The following AKT1S1 variants were observed in gnomAD, a reference collection of about 807,000 sequenced individuals.
The protein encoded by AKT1S1 is proline-rich AKT1 substrate 1.
AKT1S1 carries 17 observed loss-of-function variants against 21.2 expected under a neutral mutation model. The observed-to-expected ratio is 0.80, with a 90% confidence interval of 0.55 to 1.20. The LOEUF (loss-of-function observed/expected upper bound fraction) is 1.20. AKT1S1 is among the 50% of genes most tolerant of loss of function. The probability of loss-of-function intolerance (pLI) is 0.00; values close to 1 mark genes in which losing one functional copy is unlikely to be tolerated. For missense variants in AKT1S1, 366 were observed against 368.3 expected (o/e 0.99, Z 0.05); for synonymous variants, 181 against 165.6 (o/e 1.09, Z -0.72).
chr19:49,871,727 G>C lies in AKT1S1; in HGVS notation c.458-11C>G, dbSNP rs1437778836. ...CGCTCAGGCTGCCATCTGAAAGAGA[G>C]GGTGGACTTCAGCTTCTGTCCCTGC... On this transcript the variant is annotated splice_polypyrimidine_tract_variant and intron_variant, in intron 3 of 4. Transcript: ENST00000344175. 5.6e-6 allele frequency: 9 copies of C among 1,611,974 alleles called. No individual in the cohort carries two copies. Among genetic ancestry groups the C allele is most frequent in the African/African-American group, 1.3e-5 (1 of 74,854 alleles).
chr19:49,871,815 C>T lies in AKT1S1; in HGVS notation c.454G>A (p.Asp152Asn). Reference sequence around the variant, plus strand: ...GGGAACAGCCTGGGACACTCACCATCTGTACTCTCGGGGTCTGACTCACAG... The same window carrying T: ...GGGAACAGCCTGGGACACTCACCATTTGTACTCTCGGGGTCTGACTCACAG... ...PFCESDPESTDDGSLSEETPA... is the reference protein window; with the variant it reads ...PFCESDPESTNDGSLSEETPA... Residue 152 changes from aspartate (D) to asparagine (N), a missense_variant, in exon 3 of 5, where the codon GAT becomes AAT. Coordinates refer to ENST00000344175, the MANE Select transcript of AKT1S1 (RefSeq NM_001098633.4). 1 of 1,612,176 alleles carries T rather than the reference C, an allele frequency of 6.2e-7. No homozygotes were observed. Among genetic ancestry groups the T allele is most frequent in the Non-Finnish European group, 8.5e-7 (1 of 1,179,384 alleles).
upstream of AKT1S1, chr19:49,877,800 T>G (rs116089147): frequency 2.5e-3 from 3,878 of 1,548,086 alleles, 82 homozygotes; most frequent in African/African-American, 0.044. Flanking sequence ...CCCCGTCTAG[T>G]GATCAGCTCT....
At chr19:49,875,716 G>A (rs955452081) in intron 1 of AKT1S1, among the ~76,000 whole-genome samples, 4 of 152,204 alleles carry the variant, frequency 2.6e-5, no homozygotes, top group Non-Finnish European at 5.9e-5. Flanking sequence ...CGGGATTAAA[G>A]AGTGAAATAG....
chr19:49,871,842 A>AGG lies in AKT1S1; in HGVS notation c.425_426dup (p.Phe143ProfsTer15). On this transcript the variant is annotated frameshift_variant, in exon 3 of 5. Coordinates refer to ENST00000344175, the MANE Select transcript of AKT1S1 (RefSeq NM_001098633.4). LOFTEE classifies it high-confidence loss of function. ...GTACTCTCGGGGTCTGACTCACAGA[A>AGG]GGGGGGAAGGTCCTGGAGGGTGGCG... is the stretch of plus-strand genomic sequence containing the variant. 1.9e-6 allele frequency: 3 copies of AGG among 1,611,208 alleles called. No homozygotes were observed. Among genetic ancestry groups the AGG allele is most frequent in the Non-Finnish European group, 2.5e-6 (3 of 1,179,214 alleles).
At chr19:49,876,677 C>T in intron 1 of AKT1S1, 1 of 1,474,252 alleles carries the variant, frequency 6.8e-7, no homozygotes, top group Non-Finnish European at 9.0e-7. Flanking sequence ...GCGTCACGTC[C>T]GCGCAGTTGC....
rs2074850323 is a variant in AKT1S1 at position 49,869,111 on chromosome 19, C to T, written c.*806G>A. On this transcript the variant is annotated 3_prime_UTR_variant, in exon 5 of 5. Coordinates refer to ENST00000344175, the MANE Select transcript of AKT1S1 (RefSeq NM_001098633.4). ...TGCCGATCCCCCAACCCCTCACTCT[C>T]TCCCCCACACCAGGGCCGGAGAGTG... is the stretch of plus-strand genomic sequence containing the variant. The T allele has an allele frequency of 6.6e-6, 1 of 152,534 alleles. No homozygotes were observed. Among genetic ancestry groups the T allele is most frequent in the African/African-American group, 2.4e-5 (1 of 41,476 alleles). The allele number at this position is 152,534 out of a possible 1,614,324, so 9.4% of individuals were successfully genotyped here.
At chr19:49,875,977 A>C in intron 1 of AKT1S1, 1 of 985,340 alleles carries the variant, frequency 1.0e-6, no homozygotes, top group Non-Finnish European at 1.2e-6. Context: ...GAGAGATTAG[A>C]GGAAAGTGAG....
At chr19:49,876,197 A>G (rs1259826429) in intron 1 of AKT1S1, 3 of 1,019,742 alleles carry the variant, frequency 2.9e-6, no homozygotes, top group African/African-American at 1.7e-5. Context: ...AGACCTCCCA[A>G]CCTCGCCCGG....
upstream of AKT1S1, chr19:49,877,724 A>G (rs929980898): frequency 9.4e-6 from 15 of 1,600,486 alleles, no homozygotes; most frequent in African/African-American, 1.3e-5. Flanking sequence ...GGCGGCGACT[A>G]TGGAAGGAGC....
rs764454633 is a variant in AKT1S1, at chr19:49,873,262, C to T, written c.34G>A (p.Ala12Thr). ...ASGRPEELWE[A>T]VVGAAERFRA... ...AAGCGCTCAGCGGCCCCCACCACGG[C>T]CTCCCACAGCTCCTCGGGGCGCCCC... is the stretch of plus-strand genomic sequence containing the variant. Residue 12 changes from alanine to threonine, a missense_variant, in exon 2 of 5, where the codon GCC becomes ACC. Transcript: ENST00000344175. This position sits in a 1 kb window ranked among gnomAD's most constrained non-coding sequence, Gnocchi z 6.9. 2 of 1,532,288 alleles carry T rather than the reference C, an allele frequency of 1.3e-6. No individual in the cohort carries two copies. The highest frequency in any genetic ancestry group is 2.6e-5 in the East Asian group (1 of 38,974). The allele number at this position is 1,532,288 out of a possible 1,614,324, so 94.9% of individuals were successfully genotyped here. A position where few individuals can be genotyped will look rare whatever the true frequency, so the allele number is the denominator to read the frequency against.
chr19:49,877,838 C>T (rs79983202), upstream of AKT1S1: 41,072 of 1,433,284 alleles, frequency 0.029, 876 homozygotes, highest in South Asian at 0.082. Context: ...CTCGAGAATC[C>T]GGCACGGCCT....
intron 4 of AKT1S1, among the ~76,000 whole-genome samples, chr19:49,870,809 A>T (rs1038744434): frequency 6.6e-6 from 1 of 152,234 alleles, no homozygotes; most frequent in Non-Finnish European, 1.5e-5. Context: ...AGAGAGCAGC[A>T]GCAGGTGGAC....
chr19:49,876,531 T>C, intron 1 of AKT1S1: 1 of 1,457,748 alleles, frequency 6.9e-7, no homozygotes, highest in Non-Finnish European at 9.1e-7. Flanking sequence ...CCGCTCGCCC[T>C]CCCAGCGCCC....
chr19:49,876,374 G>A (rs2074944266), intron 1 of AKT1S1: 1 of 1,163,368 alleles, frequency 8.6e-7, no homozygotes, highest in South Asian at 3.9e-5. Context: ...GATCCCAGGC[G>A]CTCTGGAACC....
chr19:49,872,729 G>A (rs1171023487), intron 2 of AKT1S1, among the ~76,000 whole-genome samples, 188 bp downstream of exon 2: 2 of 152,186 alleles, frequency 1.3e-5, no homozygotes, highest in African/African-American at 4.8e-5. Context: ...GGACCAGTAA[G>A]GCTCAGAGCA....
At chr19:49,871,360 G>C (rs2074881155) in intron 4 of AKT1S1, among the ~76,000 whole-genome samples, 187 bp downstream of exon 4, 2 of 152,222 alleles carry the variant, frequency 1.3e-5, no homozygotes, top group Admixed American at 1.3e-4. Context: ...AAGGCACTAG[G>C]ACACATGGTA....
intron 4 of AKT1S1, among the ~76,000 whole-genome samples, chr19:49,870,795 G>A (rs1293939073): frequency 6.6e-6 from 1 of 152,224 alleles, no homozygotes; most frequent in Non-Finnish European, 1.5e-5. Context: ...TGAGTCGCAA[G>A]CACAGAGAGC....
intron 4 of AKT1S1, 69 bp downstream of exon 4, chr19:49,871,478 G>T: frequency 6.3e-7 from 1 of 1,593,926 alleles, no homozygotes; most frequent in Non-Finnish European, 8.6e-7. Context: ...CATGCTGGAG[G>T]GCTTCCTGGA....
At chr19:49,871,271 AT>A (rs1162063950) in intron 4 of AKT1S1, among the ~76,000 whole-genome samples, 1 of 152,198 alleles carries the variant, frequency 6.6e-6, no homozygotes, top group African/African-American at 2.4e-5. Flanking sequence ...ACTGGAGGGC[AT>A]GCCAAAACAC....
Sources: allele counts gnomAD v4.1 joint callset (sites outside exome capture counted in the v4.1 genomes callset), GRCh38; gene constraint gnomAD v4.1.1; non-coding constraint Gnocchi (gnomAD v3.1); transcripts MANE v1.5; gene names NCBI Gene and HGNC (gene_info 2026-07-23, HGNC 2026-07-21).